Variants in HJV observed in about 807,000 individuals in gnomAD.
HJV encodes hemojuvelin.
A neutral mutation model predicts 22.7 loss-of-function variants in HJV; 18 were observed. The observed-to-expected ratio is 0.79, with a 90% CI of 0.55 to 1.18. The LOEUF is 1.18. Among genes scored for constraint, HJV ranks in the 50% most tolerant of loss-of-function variants. The probability of loss-of-function intolerance (pLI) is 0.00; values close to 1 mark genes in which losing one functional copy is unlikely to be tolerated. For synonymous variants in HJV, 229 were observed against 222.7 expected (o/e 1.03, Z -0.25); for missense variants, 572 against 553.0 (o/e 1.03, Z -0.34).
Position 146,019,593 on chromosome 1 carries a change from C to T in HJV, c.239G>A (p.Cys80Tyr), listed in dbSNP as rs1553769753. 6.2e-7 allele frequency: 1 copy of T among 1,613,664 alleles called. No individual in the cohort carries two copies. The highest frequency in any genetic ancestry group is 8.5e-7 in the Non-Finnish European group (1 of 1,180,026). Residue 80 changes from cysteine to tyrosine, a missense_variant, in exon 3 of 4, where the codon TGT (cysteine) becomes TAT (tyrosine). Cys to Tyr is a radical substitution (Grantham distance 194). Coordinates refer to ENST00000336751, the MANE Select transcript of HJV (RefSeq NM_213653.4). ...GAGCGCATAGGAGCGGAGGGCTCGA[C>T]AGAGGCCGCCAGAGCCCACCCCTCC... Reference protein sequence around the residue: ...RGGGVGSGGLCRALRSYALCT... With the variant: ...RGGGVGSGGLYRALRSYALCT...
intron 2 of HJV, 88 bp downstream of exon 2, chr1:146,020,047 C>T (rs1553769870): frequency 4.3e-6 from 4 of 939,442 alleles, no homozygotes; most frequent in Admixed American, 3.5e-5. Flanking sequence ...GCGCCTATCT[C>T]TCCTCACTCA....
Position 146,019,313 on chromosome 1 carries a change from G to C in HJV, c.519C>G (p.Pro173=). Residue 173 remains proline, a synonymous_variant, in exon 3 of 4, where the codon CCC becomes CCG. Transcript: ENST00000336751. ...AGTGATGGTGGAAGCTGCGCACATGGGGGTCCCCGAAGGAAGCGCAATGCA... is the reference window on the plus strand; with the variant it reads ...AGTGATGGTGGAAGCTGCGCACATGCGGGTCCCCGAAGGAAGCGCAATGCA... ...GFLHCASFGD[P]HVRSFHHHFH... The C allele has an allele frequency of 6.2e-7, 1 of 1,613,852 alleles. No homozygotes were observed. Among genetic ancestry groups the C allele is most frequent in the Non-Finnish European group, 8.5e-7 (1 of 1,180,038 alleles).
At position 146,017,617 on chromosome 1, in the gene HJV, G is replaced by T. The variant is rs1302902293; in HGVS notation, c.*460C>A. 1.0e-5 allele frequency: 2 copies of T among 197,640 alleles called. No individual in the cohort carries two copies. The highest frequency in any genetic ancestry group is 2.4e-5 in the African/African-American group (1 of 41,824). The allele number at this position is 197,640 out of a possible 1,614,324, so 12.2% of individuals were successfully genotyped here. A position where few individuals can be genotyped will look rare whatever the true frequency, so the allele number is the denominator to read the frequency against. On this transcript the variant is annotated 3_prime_UTR_variant, in exon 4 of 4. Transcript: ENST00000336751. ...GCTTCATTTTTGAATCAAGAAAGCA[G>T]AACATACCTTACACACACATATTCA...
chr1:146,019,898 C>T (rs1553769843), intron 2 of HJV, among the ~76,000 whole-genome samples, 164 bp from the exon 3 acceptor site: 1 of 152,112 alleles, frequency 6.6e-6, no homozygotes, highest in African/African-American at 2.4e-5. Flanking sequence ...CTAGTTCTCT[C>T]GGCTGTCTTA....
intron 1 of HJV, among the ~76,000 whole-genome samples, chr1:146,020,625 G>C (rs1166540893): frequency 6.6e-6 from 1 of 152,128 alleles, no homozygotes. Context: ...AAAGATGGAG[G>C]AATCATGGGG....
In HJV at chr1:146,017,977, G is replaced by T; in HGVS notation, c.*100C>A. The T allele has an allele frequency of 7.8e-7, 1 of 1,289,494 alleles. No homozygotes were observed. Among genetic ancestry groups the T allele is most frequent in the Non-Finnish European group, 1.1e-6 (1 of 897,674 alleles). The allele number at this position is 1,289,494 out of a possible 1,614,324, so 79.9% of individuals were successfully genotyped here. A position where few individuals can be genotyped will look rare whatever the true frequency, so the allele number is the denominator to read the frequency against. On this transcript the variant is annotated 3_prime_UTR_variant, in exon 4 of 4. Transcript: ENST00000336751. ...TCTGGATAATGTCATTGTTTCACGT[G>T]TCTCCTAGGCCCTGCTTCCTTTAAT...
Position 146,018,715 on chromosome 1 carries a change from G to A in HJV, c.658-15C>T. The A allele has an allele frequency of 6.2e-7, 1 of 1,613,984 alleles. No individual in the cohort carries two copies. Among genetic ancestry groups the A allele is most frequent in the Non-Finnish European group, 8.5e-7 (1 of 1,179,976 alleles). On this transcript the variant is annotated splice_polypyrimidine_tract_variant and intron_variant, in intron 3 of 3. Coordinates refer to ENST00000336751, the MANE Select transcript of HJV (RefSeq NM_213653.4). Reference sequence around the variant, plus strand: ...ATGATGGTGAGCTGTGAGGACAAGAGGGAAAACAGTTCATTTTGGGTTCAG... The same window carrying A: ...ATGATGGTGAGCTGTGAGGACAAGAAGGAAAACAGTTCATTTTGGGTTCAG...
chr1:146,019,301 G>A lies in HJV; in HGVS notation c.531C>T (p.Ser177=). The change falls in exon 3 of 4, where the codon AGC becomes AGT. Residue 177 remains serine, a synonymous_variant. Transcript: ENST00000336751. ...GGCATGTGTGAAAGTGATGGTGGAA[G>A]CTGCGCACATGGGGGTCCCCGAAGG... ...CASFGDPHVR[S]FHHHFHTCRV... 2 of 1,613,868 alleles carry A rather than the reference G, an allele frequency of 1.2e-6. No individual in the cohort carries two copies. The highest frequency in any genetic ancestry group is 8.5e-7 in the Non-Finnish European group (1 of 1,180,030).
In HJV at chr1:146,017,966, T is replaced by C. The variant is rs1267746478; in HGVS notation, c.*111A>G. ...CCTCATCTGACTCTGGATAATGTCA[T>C]TGTTTCACGTGTCTCCTAGGCCCTG... On this transcript the variant is annotated 3_prime_UTR_variant, in exon 4 of 4. Transcript: ENST00000336751. 11 of 1,189,764 alleles carry C rather than the reference T, an allele frequency of 9.2e-6. No individual in the cohort carries two copies. Among genetic ancestry groups the C allele is most frequent in the Non-Finnish European group, 1.4e-5 (11 of 811,150 alleles). The allele number at this position is 1,189,764 out of a possible 1,614,324, so 73.7% of individuals were successfully genotyped here.
Position 146,019,738 on chromosome 1 carries a change from A to C in HJV, c.98-4T>G, listed in dbSNP as rs1175986656. ...AGGATCTTGCATTGAGAATGAGCTA[A>C]AGACAGAAGGGAGAGGATTGTGAGA... is the stretch of plus-strand genomic sequence containing the variant. On this transcript the variant is annotated splice_polypyrimidine_tract_variant and splice_region_variant and intron_variant, in intron 2 of 3. Transcript: ENST00000336751. 6 of 1,613,950 alleles carry C rather than the reference A, an allele frequency of 3.7e-6. No homozygotes were observed. In the African/African-American group the frequency reaches 5.3e-5, roughly 14 times the overall value.
In HJV at chr1:146,017,490, T is replaced by A; in HGVS notation, c.*587A>T. ...GAGGATGGTGTGAAGAATTTGTAGC[T>A]TTAATAACAGATTAGTTAGGGGGTA... On this transcript the variant is annotated 3_prime_UTR_variant, in exon 4 of 4. Coordinates refer to ENST00000336751, the MANE Select transcript of HJV (RefSeq NM_213653.4). 5.8e-6 allele frequency: 1 copy of A among 171,734 alleles called. No homozygotes were observed. Among genetic ancestry groups the A allele is most frequent in the Non-Finnish European group, 1.4e-5 (1 of 70,768 alleles). The allele number at this position is 171,734 out of a possible 1,614,324, so 10.6% of individuals were successfully genotyped here.
In HJV at chr1:146,018,550, G is replaced by T; in HGVS notation, c.808C>A (p.Pro270Thr). The T allele has an allele frequency of 6.2e-7, 1 of 1,614,110 alleles. No homozygotes were observed. Among genetic ancestry groups the T allele is most frequent in the South Asian group, 1.1e-5 (1 of 91,078 alleles). The change falls in exon 4 of 4, where the codon CCT (proline) becomes ACT (threonine). Residue 270 changes from proline to threonine, a missense_variant. Pro to Thr is a conservative substitution (Grantham distance 38, BLOSUM62 -1). Coordinates refer to ENST00000336751, the MANE Select transcript of HJV (RefSeq NM_213653.4). ...GSSLSIQTANPGNHVEIQAAY... is the reference protein window; with the variant it reads ...GSSLSIQTANTGNHVEIQAAY... ...GCTTGGATCTCCACATGGTTCCCAG[G>T]GTTAGCAGTTTGAATCGACAAACTG...
chr1:146,019,748 G>A lies in HJV; in HGVS notation c.98-14C>T. ...ATTGAGAATGAGCTAAAGACAGAAG[G>A]GAGAGGATTGTGAGACGGTCCTCAG... is the stretch of plus-strand genomic sequence containing the variant. On this transcript the variant is annotated splice_polypyrimidine_tract_variant and intron_variant, in intron 2 of 3. Transcript: ENST00000336751. 6.2e-7 allele frequency: 1 copy of A among 1,614,044 alleles called. No homozygotes were observed. Among genetic ancestry groups the A allele is most frequent in the Admixed American group, 1.7e-5 (1 of 60,016 alleles).
intron 3 of HJV, 70 bp from the exon 4 acceptor site, chr1:146,018,770 A>C (rs1464108845): frequency 2.0e-6 from 3 of 1,480,306 alleles, no homozygotes; most frequent in Non-Finnish European, 1.9e-6. Context: ...GACCTCATAC[A>C]TAGTTAGAGA....
chr1:146,019,517 C>G lies in HJV; in HGVS notation c.315G>C (p.Ser105=). 6.2e-7 allele frequency: 1 copy of G among 1,612,962 alleles called. No individual in the cohort carries two copies. The highest frequency in any genetic ancestry group is 8.5e-7 in the Non-Finnish European group (1 of 1,179,916). ...RTCRGDLAFH[S]AVHGIEDLMI... ...TCAGGTCTTCGATGCCATGTACCGC[C>G]GAATGGAAGGCGAGGTCCCCGCGGC... Residue 105 remains serine, a synonymous_variant, in exon 3 of 4, where the codon TCG becomes TCC. Coordinates refer to ENST00000336751, the MANE Select transcript of HJV (RefSeq NM_213653.4).
chr1:146,018,324 C>T lies in HJV; in HGVS notation c.1034G>A (p.Arg345Gln), dbSNP rs782176508. 1.9e-5 allele frequency: 31 copies of T among 1,614,042 alleles called. No individual in the cohort carries two copies. In the Middle Eastern group the frequency reaches 6.6e-4, roughly 34 times the overall value. The change falls in exon 4 of 4, where the codon CGG becomes CAG. Residue 345 changes from arginine to glutamine, a missense_variant. Arg to Gln is a conservative substitution (Grantham distance 43). Transcript: ENST00000336751. ...RGAITIDTAR[R>Q]LCKEGLPVED... ...CACTGGAAGCCCTTCCTTGCACAGC[C>T]GTCTGGCAGTATCAATGGTTATAGC...
chr1:146,018,849 C>T (rs934128695), intron 3 of HJV, 149 bp from the exon 4 acceptor site: 3 of 923,432 alleles, frequency 3.2e-6, no homozygotes, highest in Non-Finnish European at 3.5e-6. Flanking sequence ...ATTTATGTTC[C>T]AGTATTACCT....
rs1007013332 is a variant in HJV at position 146,017,919 on chromosome 1, T to A, written c.*158A>T. 95 of 811,294 alleles carry A rather than the reference T, an allele frequency of 1.2e-4. No homozygotes were observed. Among genetic ancestry groups the A allele is most frequent in the Non-Finnish European group, 1.7e-4 (88 of 505,724 alleles). The allele number at this position is 811,294 out of a possible 1,614,324, so 50.3% of individuals were successfully genotyped here. On this transcript the variant is annotated 3_prime_UTR_variant, in exon 4 of 4. Transcript: ENST00000336751. ...CTTGCCCAGAATCCTTATTCTGTGA[T>A]AATTTCAACCCTGGACTGCAGCCTC...
chr1:146,018,175 G>A lies in HJV; in HGVS notation c.1183C>T (p.His395Tyr). Residue 395 changes from histidine (H) to tyrosine (Y), a missense_variant, in exon 4 of 4, where the codon CAT becomes TAT. Coordinates refer to ENST00000336751, the MANE Select transcript of HJV (RefSeq NM_213653.4). Reference sequence around the variant, plus strand: ...ACCCCAGCATCTGAGGGGAAGAGATGCAGCTTCTCTAAGTCTGGCAGGAAG... The same window carrying A: ...ACCCCAGCATCTGAGGGGAAGAGATACAGCTTCTCTAAGTCTGGCAGGAAG... ...RAFLPDLEKL[H>Y]LFPSDAGVPL... The A allele has an allele frequency of 1.9e-6, 3 of 1,614,172 alleles. No individual in the cohort carries two copies. Among genetic ancestry groups the A allele is most frequent in the Non-Finnish European group, 2.5e-6 (3 of 1,180,038 alleles).
Sources: gnomAD v4.1 joint callset for allele counts (sites outside exome capture counted in the v4.1 genomes callset) on GRCh38, gnomAD v4.1.1 for gene constraint, MANE v1.5 for transcripts, NCBI Gene and HGNC (gene_info 2026-07-23, HGNC 2026-07-21) for gene names.